TFEC: variants seen among roughly 807,000 people sequenced by gnomAD.
TFEC encodes the protein transcription factor EC.
A neutral mutation model predicts 41.6 loss-of-function variants in TFEC; 31 were observed. That is an observed-to-expected ratio of 0.74 (90% CI 0.56 to 1.01). The LOEUF (loss-of-function observed/expected upper bound fraction) is 1.01, where lower values mean the gene tolerates loss of function less well. Ranked by LOEUF, TFEC falls within the 50% of genes least tolerant of loss-of-function variation. The pLI, the probability that TFEC is intolerant of heterozygous loss-of-function variation, is 0.00. For missense variants in TFEC, 402 were observed against 404.1 expected (o/e 0.99, Z 0.04); for synonymous variants, 143 against 140.6 (o/e 1.02, Z -0.12).
intron 1 of TFEC, among the ~76,000 whole-genome samples, chr7:116,003,226 C>T (rs1160308617): frequency 1.4e-5 from 2 of 145,782 alleles, no homozygotes; most frequent in Non-Finnish European, 3.0e-5. Flanking sequence ...TCCTCTCTCA[C>T]ATTACCATTT....
intron 3 of TFEC, among the ~76,000 whole-genome samples, chr7:115,961,634 A>G (rs1287952336): frequency 6.6e-6 from 1 of 151,692 alleles, no homozygotes; most frequent in Non-Finnish European, 1.5e-5. Flanking sequence ...AAAAATTAAC[A>G]AGATTGACAT....
At chr7:116,021,465 G>C (rs1230630921) in intron 1 of TFEC, among the ~76,000 whole-genome samples, 2 of 152,176 alleles carry the variant, frequency 1.3e-5, no homozygotes, top group African/African-American at 4.8e-5. Context: ...ATGTGATGGT[G>C]TTGTAGCCTA....
chr7:115,948,974 T>G (rs1791772611), intron 6 of TFEC, among the ~76,000 whole-genome samples: 1 of 151,742 alleles, frequency 6.6e-6, no homozygotes. Flanking sequence ...CAAAATCTCC[T>G]TAAGCTGATA....
chr7:115,961,066 C>T (rs1792519013), intron 3 of TFEC, among the ~76,000 whole-genome samples: 1 of 151,626 alleles, frequency 6.6e-6, no homozygotes, highest in African/African-American at 2.4e-5. Flanking sequence ...GACTTTAACA[C>T]ACATCTCTTC....
At position 115,936,554 on chromosome 7, in the gene TFEC, T is replaced by C. The variant is rs184063848; in HGVS notation, c.*3997A>G. 69 of 151,840 alleles carry C rather than the reference T, an allele frequency of 4.5e-4. No homozygotes were observed. The highest frequency in any genetic ancestry group is 1.6e-3 in the African/African-American group (65 of 41,540). 9.4% of individuals were successfully genotyped at this position (151,840 alleles called of 1,614,324 possible). A position where few individuals can be genotyped will look rare whatever the true frequency, so the allele number is the denominator to read the frequency against. ...AAATTTGGAACACTTAGTTATGCCA[T>C]TTATTTATTTGAACGTTTAAATTCC... On this transcript the variant is annotated 3_prime_UTR_variant, in exon 8 of 8. Transcript: ENST00000265440.
At chr7:116,090,647 CT>C (rs1346707923) in intron 3 of TFEC, among the ~76,000 whole-genome samples, 3 of 151,958 alleles carry the variant, frequency 2.0e-5, no homozygotes, top group Non-Finnish European at 4.4e-5. Flanking sequence ...GTTACCACTT[CT>C]TTTTTTCCTA....
chr7:115,958,526 TGAA>T (rs1349570770), intron 3 of TFEC, among the ~76,000 whole-genome samples: 2 of 151,754 alleles, frequency 1.3e-5, no homozygotes, highest in African/African-American at 4.8e-5. Flanking sequence ...TGGACTTCAA[TGAA>T]GAAGTGGCAA....
intron 1 of TFEC, among the ~76,000 whole-genome samples, chr7:115,996,703 G>A (rs1368043923): frequency 6.6e-6 from 1 of 152,002 alleles, no homozygotes; most frequent in Admixed American, 6.6e-5. Flanking sequence ...GAAGCCCACT[G>A]CACTAAAGGG....
At chr7:115,953,436 A>G (rs1792053881) in intron 5 of TFEC, among the ~76,000 whole-genome samples, 1 of 152,084 alleles carries the variant, frequency 6.6e-6, no homozygotes, top group African/African-American at 2.4e-5. Flanking sequence ...AAGCAAGATG[A>G]TGTAGCAGGT....
intron 3 of TFEC, among the ~76,000 whole-genome samples, chr7:116,069,573 AT>A (rs1448719619): frequency 6.6e-6 from 1 of 151,714 alleles, no homozygotes; most frequent in Non-Finnish European, 1.5e-5. Context: ...TATAACTATA[AT>A]TTTAGAATAA....
At chr7:116,016,805 T>C (rs1037138694) in intron 1 of TFEC, among the ~76,000 whole-genome samples, 1 of 152,072 alleles carries the variant, frequency 6.6e-6, no homozygotes, top group African/African-American at 2.4e-5. Flanking sequence ...ATACTATCTG[T>C]ATTATATACT....
intron 3 of TFEC, among the ~76,000 whole-genome samples, chr7:116,105,873 A>G (rs768389852): frequency 2.0e-4 from 30 of 152,124 alleles, no homozygotes; most frequent in Non-Finnish European, 2.6e-4. Context: ...CCTCTCCCCA[A>G]TTAGCAAGCT....
chr7:116,152,693 T>A (rs1037548976), intron 1 of TFEC, among the ~76,000 whole-genome samples: 1 of 152,174 alleles, frequency 6.6e-6, no homozygotes, highest in Non-Finnish European at 1.5e-5. Context: ...AAAACCAGCC[T>A]CCTCTGGTTC....
At chr7:116,010,694 G>A (rs1794968063) in intron 1 of TFEC, among the ~76,000 whole-genome samples, 1 of 152,114 alleles carries the variant, frequency 6.6e-6, no homozygotes, top group African/African-American at 2.4e-5. Flanking sequence ...AACTAAATAT[G>A]ATGGATTCCT....
chr7:116,045,680 A>C (rs1796146740), intron 3 of TFEC, among the ~76,000 whole-genome samples: 1 of 152,240 alleles, frequency 6.6e-6, no homozygotes, highest in Non-Finnish European at 1.5e-5. Context: ...TTGAGCCCCC[A>C]CACAGAGTCC....
At chr7:116,097,465 C>A (rs1797493582) in intron 3 of TFEC, among the ~76,000 whole-genome samples, 1 of 151,994 alleles carries the variant, frequency 6.6e-6, no homozygotes, top group African/African-American at 2.4e-5. Context: ...ATTTTTGGGC[C>A]ATTATTAAGT....
intron 3 of TFEC, among the ~76,000 whole-genome samples, chr7:116,046,733 C>T (rs1345399197): frequency 6.6e-6 from 1 of 152,152 alleles, no homozygotes; most frequent in South Asian, 2.1e-4. Flanking sequence ...AGCTTACTCC[C>T]CACTGTACTT....
At chr7:116,112,794 C>T (rs1406760466) in intron 1 of TFEC, among the ~76,000 whole-genome samples, 1 of 151,850 alleles carries the variant, frequency 6.6e-6, no homozygotes, top group African/African-American at 2.4e-5. Context: ...GATCAGCAAA[C>T]CAATCTAAAG....
chr7:115,955,480 A>G (rs1365374233), intron 4 of TFEC, among the ~76,000 whole-genome samples: 1 of 152,044 alleles, frequency 6.6e-6, no homozygotes, highest in Non-Finnish European at 1.5e-5. Context: ...AGGAAGCACT[A>G]TCCTACAAGA....
Sources: gnomAD v4.1 joint callset for allele counts (sites outside exome capture counted in the v4.1 genomes callset) on GRCh38, gnomAD v4.1.1 for gene constraint, MANE v1.5 for transcripts, NCBI Gene and HGNC (gene_info 2026-07-23, HGNC 2026-07-21) for gene names.